TBC1D2: variants seen among roughly 807,000 people sequenced by gnomAD.
TBC1D2 encodes TBC1 domain family member 2A.
In TBC1D2, 58 loss-of-function variants were observed where a neutral mutation model predicts 91.1. The ratio of observed to expected loss-of-function variants is 0.64; its 90% CI spans 0.52 to 0.79. The LOEUF is 0.79. Ranked by LOEUF, TBC1D2 falls within the 30% of genes least tolerant of loss-of-function variation. The pLI is 0.00. For missense variants in TBC1D2, 1,080 were observed against 1,208.3 expected, an observed-to-expected ratio of 0.89 and a Z score of 1.57; for synonymous variants, 482 against 511.5, an observed-to-expected ratio of 0.94 and a Z score of 0.78.
intron 10 of TBC1D2, 118 bp downstream of exon 10, chr9:98,203,170 C>G (rs2118990084): frequency 6.7e-7 from 1 of 1,489,236 alleles, no homozygotes; most frequent in East Asian, 2.3e-5. Flanking sequence ...TCCCACAGTG[C>G]AGAGGGAGAA....
intron 3 of TBC1D2, chr9:98,235,118 G>A (rs916715902): frequency 2.8e-4 from 64 of 226,016 alleles, no homozygotes; most frequent in African/African-American, 9.0e-4. Context: ...GCAGAGAATC[G>A]CTTGAACCCG....
At chr9:98,240,100 G>A (rs944259374) in intron 3 of TBC1D2, among the ~76,000 whole-genome samples, 33 of 151,846 alleles carry the variant, frequency 2.2e-4, no homozygotes, top group African/African-American at 7.5e-4. Context: ...CAACTTTGTT[G>A]CTCTTTTCAA....
intron 8 of TBC1D2, among the ~76,000 whole-genome samples, chr9:98,209,734 CTTCTTTCCTTTCCTTCCTTCCT>C (rs1828765867): frequency 7.7e-6 from 1 of 129,414 alleles, no homozygotes; most frequent in African/African-American, 3.0e-5. Context: ...TCCTTCCTTC[CTTCTTTCCTTTCCTTCCTTCCT>C]TTCCTTCCTT....
Position 98,214,891 on chromosome 9 carries a change from C to T in TBC1D2, c.1375-1673G>A, listed in dbSNP as rs528192065. ...TATCACATCACCCCTCACCACTCCACGGGGGCTCTCTGTGGTGCCCCAACC... is the reference window on the plus strand; with the variant it reads ...TATCACATCACCCCTCACCACTCCATGGGGGCTCTCTGTGGTGCCCCAACC... On this transcript the variant is annotated intron_variant, in intron 6 of 12. Coordinates refer to ENST00000465784, the MANE Select transcript of TBC1D2 (RefSeq NM_001267571.2). Among the ~76,000 whole-genome samples, 87 of 152,298 alleles carry T rather than the reference C, an allele frequency of 5.7e-4. 1 individual carries two copies. The highest frequency in any genetic ancestry group is 1.9e-3 in the African/African-American group (81 of 41,562).
intron 4 of TBC1D2, among the ~76,000 whole-genome samples, chr9:98,233,093 T>C (rs919903315): frequency 1.3e-5 from 2 of 152,170 alleles, no homozygotes; most frequent in African/African-American, 2.4e-5. Context: ...ACCCTTAGAA[T>C]AAGCAGCAGA....
intron 6 of TBC1D2, among the ~76,000 whole-genome samples, chr9:98,220,135 A>T (rs1025500644): frequency 4.6e-5 from 7 of 152,222 alleles, no homozygotes; most frequent in African/African-American, 1.7e-4. Flanking sequence ...TAGAAGCGGC[A>T]GCTGAGCAGA....
intron 5 of TBC1D2, among the ~76,000 whole-genome samples, chr9:98,222,007 G>A (rs1474402646): frequency 2.0e-5 from 3 of 152,194 alleles, no homozygotes; most frequent in Non-Finnish European, 4.4e-5. Context: ...GGGATTACAG[G>A]TATGAGTCAC....
chr9:98,219,400 G>A (rs764003508), intron 6 of TBC1D2, among the ~76,000 whole-genome samples: 8 of 152,064 alleles, frequency 5.3e-5, no homozygotes, highest in East Asian at 1.9e-4. Context: ...TGCCCTCACC[G>A]AGTAGTTCTT....
rs937102149 is a variant in TBC1D2 at position 98,233,412 on chromosome 9, T to C, written c.781+4A>G. ...AGGCAGCTCAGCCCTGGACAGAGGCTCACCTGGGGTGCTGGCGTCAGAGGC... is the reference window on the plus strand; with the variant it reads ...AGGCAGCTCAGCCCTGGACAGAGGCCCACCTGGGGTGCTGGCGTCAGAGGC... On this transcript the variant is annotated splice_donor_region_variant and intron_variant, in intron 4 of 12. Transcript: ENST00000465784. 4 of 1,613,184 alleles carry C rather than the reference T, an allele frequency of 2.5e-6. No individual in the cohort carries two copies. The highest frequency in any genetic ancestry group is 1.6e-4 in the Middle Eastern group (1 of 6,078).
chr9:98,251,173 T>A (rs1313226534), intron 2 of TBC1D2, among the ~76,000 whole-genome samples: 1 of 151,888 alleles, frequency 6.6e-6, no homozygotes, highest in East Asian at 1.9e-4. Context: ...TAATCCCAGC[T>A]GAGGCTGCCT....
Position 98,199,027 on chromosome 9 carries a change from T to G in TBC1D2, c.*354A>C, listed in dbSNP as rs894268748. The G allele has an allele frequency of 8.1e-6, 3 of 368,282 alleles. No homozygotes were observed. Among genetic ancestry groups the G allele is most frequent in the Non-Finnish European group, 1.5e-5 (3 of 199,344 alleles). 22.8% of individuals were successfully genotyped at this position (368,282 alleles called of 1,614,324 possible). A position where few individuals can be genotyped will look rare whatever the true frequency, so the allele number is the denominator to read the frequency against. The stretch of plus-strand genomic sequence containing the variant: ...TGAGAACTGTTTAAGTTCCAAAGCT[T>G]ATGAATGATTTCCACCATTTACATT... On this transcript the variant is annotated 3_prime_UTR_variant, in exon 13 of 13. Coordinates refer to ENST00000465784, the MANE Select transcript of TBC1D2 (RefSeq NM_001267571.2).
At position 98,251,888 on chromosome 9, in the gene TBC1D2, C is replaced by G; in HGVS notation, c.408G>C (p.Gln136His). The change falls in exon 2 of 13, where the codon CAG (glutamine) becomes CAC (histidine). Residue 136 changes from glutamine (Q) to histidine (H), a missense_variant. By Grantham distance (24) the Gln-to-His change is conservative (BLOSUM62 0). Coordinates refer to ENST00000465784, the MANE Select transcript of TBC1D2 (RefSeq NM_001267571.2). ...GGAATTCCCAGCGCTTCATCTGCAG[C>G]TGCTGCAGCCAGTACAGCATCGCTT... is the stretch of plus-strand genomic sequence containing the variant. ...TKQAMLYWLQ[Q>H]LQMKRWEFHN... is the part of the protein sequence containing the mutation. The G allele has an allele frequency of 6.2e-7, 1 of 1,602,430 alleles. No individual in the cohort carries two copies. Among genetic ancestry groups the G allele is most frequent in the Non-Finnish European group, 8.5e-7 (1 of 1,175,396 alleles).
intron 6 of TBC1D2, among the ~76,000 whole-genome samples, chr9:98,218,596 C>T (rs1184153498): frequency 6.6e-6 from 1 of 152,092 alleles, no homozygotes; most frequent in East Asian, 1.9e-4. Flanking sequence ...AAATAAAATT[C>T]CTGAATATGT....
At chr9:98,239,345 G>A (rs190492929) in intron 3 of TBC1D2, among the ~76,000 whole-genome samples, 13 of 152,266 alleles carry the variant, frequency 8.5e-5, no homozygotes, top group Admixed American at 5.2e-4. Flanking sequence ...GATCCACTGC[G>A]CCTGGCCCTT....
chr9:98,250,108 T>A (rs1386533892), intron 2 of TBC1D2, among the ~76,000 whole-genome samples: 1 of 152,140 alleles, frequency 6.6e-6, no homozygotes, highest in East Asian at 1.9e-4. Context: ...TGACAAAGTC[T>A]GAGAAGGCTT....
rs2118992049 is a variant in TBC1D2 at position 98,203,410 on chromosome 9, TG to T, written c.2151-3del. On this transcript the variant is annotated splice_polypyrimidine_tract_variant and splice_region_variant and intron_variant, in intron 9 of 12. Coordinates refer to ENST00000465784, the MANE Select transcript of TBC1D2 (RefSeq NM_001267571.2). ...ACCAGCAGGGCAATGGCCGCCAGCC[TG>T]GAGTAGTAGGGAAGGCCTGGAGTGA... The T allele has an allele frequency of 6.2e-7, 1 of 1,614,054 alleles. No individual in the cohort carries two copies. Among genetic ancestry groups the T allele is most frequent in the East Asian group, 2.2e-5 (1 of 44,880 alleles).
chr9:98,238,659 C>T (rs1829565641), intron 3 of TBC1D2, among the ~76,000 whole-genome samples: 1 of 137,284 alleles, frequency 7.3e-6, no homozygotes. Context: ...CAGTCTTTTA[C>T]CATTAAGTAT....
At chr9:98,211,732 C>T (rs1429837567) in intron 7 of TBC1D2, among the ~76,000 whole-genome samples, 3 of 152,130 alleles carry the variant, frequency 2.0e-5, no homozygotes, top group Non-Finnish European at 4.4e-5. Flanking sequence ...ACCTATCCCA[C>T]CTGGTGCCCA....
chr9:98,200,284 G>GC lies in TBC1D2; in HGVS notation c.2547dup (p.Arg850AlafsTer20). Reference sequence around the variant, plus strand: ...TTGGAGATGGTCTTGGTGAAGAAGCGCAGGTACTGGTAGATTTCCAGGCCA... The same window carrying GC: ...TTGGAGATGGTCTTGGTGAAGAAGCGCCAGGTACTGGTAGATTTCCAGGCCA... On this transcript the variant is annotated frameshift_variant, in exon 12 of 13. Transcript: ENST00000465784. LOFTEE classifies it low-confidence loss of function (END_TRUNC). The GC allele has an allele frequency of 6.2e-7, 1 of 1,613,892 alleles. No homozygotes were observed. The highest frequency in any genetic ancestry group is 1.3e-5 in the African/African-American group (1 of 74,966).
Sources: allele counts gnomAD v4.1 joint callset (sites outside exome capture counted in the v4.1 genomes callset), GRCh38; gene constraint gnomAD v4.1.1; transcripts MANE v1.5; gene names NCBI Gene and HGNC (gene_info 2026-07-23, HGNC 2026-07-21).